SLC23A2: variants seen among roughly 807,000 people sequenced by gnomAD.
SLC23A2 encodes the protein solute carrier family 23 member 2.
In SLC23A2, 36 loss-of-function variants were observed where a neutral mutation model predicts 73.3. That is an observed-to-expected ratio of 0.49 (90% CI 0.38 to 0.65). The LOEUF is 0.65. SLC23A2 is among the 30% of genes least tolerant of loss of function. The pLI, the probability that SLC23A2 is intolerant of heterozygous loss-of-function variation, is 0.00. For synonymous variants in SLC23A2, 343 were observed against 327.3 expected (o/e 1.05, Z -0.52); for missense variants, 507 against 841.6 (o/e 0.60, Z 4.92).
chr20:4,925,180 C>CA (rs575469662), intron 3 of SLC23A2, among the ~76,000 whole-genome samples: 2,512 of 76,258 alleles, frequency 0.033, 61 homozygotes, highest in African/African-American at 0.1. Context: ...AAGACTCTGT[C>CA]AAAAAAAAAA....
chr20:4,874,159 T>C (rs1449127677), intron 10 of SLC23A2, 67 bp from the exon 11 acceptor site: 1 of 1,512,046 alleles, frequency 6.6e-7, no homozygotes, highest in East Asian at 2.3e-5. Flanking sequence ...AAAACACGTC[T>C]TCCCGCGGTC....
intron 2 of SLC23A2, among the ~76,000 whole-genome samples, chr20:4,943,985 G>A (rs2087081151): frequency 6.6e-6 from 1 of 152,166 alleles, no homozygotes; most frequent in Non-Finnish European, 1.5e-5. Flanking sequence ...GGTTACCTAG[G>A]GCAAGAATGG....
chr20:4,936,480 G>T (rs1356190995), intron 2 of SLC23A2, among the ~76,000 whole-genome samples: 2 of 151,986 alleles, frequency 1.3e-5, no homozygotes, highest in Non-Finnish European at 2.9e-5. Context: ...AAGAGAGGGG[G>T]TCTCATTATG....
intron 3 of SLC23A2, among the ~76,000 whole-genome samples, chr20:4,915,077 A>G (rs1932278502): frequency 6.6e-6 from 1 of 152,160 alleles, no homozygotes; most frequent in Non-Finnish European, 1.5e-5. Flanking sequence ...AAACTCCAAG[A>G]AATACTGTTT....
chr20:4,903,070 A>G (rs1470328001), intron 4 of SLC23A2, among the ~76,000 whole-genome samples: 2 of 127,988 alleles, frequency 1.6e-5, no homozygotes, highest in African/African-American at 6.0e-5. Flanking sequence ...TATTGCTCAG[A>G]TAACGTTAGG....
chr20:4,884,939 C>T (rs1931036971), intron 7 of SLC23A2, 116 bp from the exon 8 acceptor site: 1 of 602,528 alleles, frequency 1.7e-6, no homozygotes, highest in Non-Finnish European at 2.9e-6. Flanking sequence ...TTTCAATCCC[C>T]ATCCCTAAAA....
intron 11 of SLC23A2, 145 bp from the exon 12 acceptor site, chr20:4,870,198 T>A: frequency 1.4e-6 from 1 of 698,238 alleles, no homozygotes; most frequent in South Asian, 2.3e-5. Context: ...CATTTTAAAA[T>A]CTTAAGCACC....
chr20:4,874,175 A>T, intron 10 of SLC23A2, 83 bp from the exon 11 acceptor site: 1 of 1,357,860 alleles, frequency 7.4e-7, no homozygotes, highest in East Asian at 2.3e-5. Flanking sequence ...CGGTCGGAAT[A>T]TCACACCCCA....
intron 1 of SLC23A2, among the ~76,000 whole-genome samples, chr20:4,988,545 G>A (rs2087868302): frequency 6.6e-6 from 1 of 151,820 alleles, no homozygotes; most frequent in Admixed American, 6.6e-5. Flanking sequence ...AGACCAGCCT[G>A]GCCAACATAG....
intron 9 of SLC23A2, among the ~76,000 whole-genome samples, chr20:4,881,371 C>A (rs1930876419): frequency 6.6e-6 from 1 of 152,014 alleles, no homozygotes; most frequent in South Asian, 2.1e-4. Flanking sequence ...GAGAAGGGGG[C>A]CAGGATCAAG....
chr20:4,874,242 A>C, intron 10 of SLC23A2, 150 bp from the exon 11 acceptor site: 1 of 708,442 alleles, frequency 1.4e-6, no homozygotes, highest in Non-Finnish European at 2.3e-6. Context: ...TCACTGAGAG[A>C]GCAGTTTCAT....
intron 1 of SLC23A2, among the ~76,000 whole-genome samples, chr20:4,983,824 T>C (rs887502997): frequency 1.6e-4 from 24 of 149,854 alleles, no homozygotes; most frequent in African/African-American, 4.2e-4. Context: ...GGCGTGGTGG[T>C]GCATGCCTGT....
At chr20:5,005,634 T>C (rs2088182068), upstream of SLC23A2, among the ~76,000 whole-genome samples, 1 of 152,142 alleles carries the variant, frequency 6.6e-6, no homozygotes, top group African/African-American at 2.4e-5. Flanking sequence ...AGATAATAAA[T>C]GTTTTAGGTT....
Position 4,902,569 on chromosome 20 carries a change from G to A in SLC23A2, c.208-11C>T, listed in dbSNP as rs1365128182. 5.2e-6 allele frequency: 8 copies of A among 1,527,816 alleles called. No homozygotes were observed. Among genetic ancestry groups the A allele is most frequent in the Non-Finnish European group, 6.3e-6 (7 of 1,108,274 alleles). The allele number at this position is 1,527,816 out of a possible 1,614,324, so 94.6% of individuals were successfully genotyped here. A position where few individuals can be genotyped will look rare whatever the true frequency, so the allele number is the denominator to read the frequency against. On this transcript the variant is annotated splice_polypyrimidine_tract_variant and intron_variant, in intron 4 of 16. Transcript: ENST00000338244. The surrounding 1 kb of genome is among the most constrained non-coding windows in gnomAD (Gnocchi z 4.0). ...CTCAGCGAGAGAGCTCTGCGAGCCA[G>A]AAGGAGAAAAGAAGGTGCTCATTAA...
At chr20:4,886,883 T>A (rs1931121471) in intron 6 of SLC23A2, among the ~76,000 whole-genome samples, 1 of 152,078 alleles carries the variant, frequency 6.6e-6, no homozygotes, top group Non-Finnish European at 1.5e-5. Flanking sequence ...CCAGCATCCT[T>A]CCCTTTGAGC....
At chr20:4,888,384 C>T (rs1468744503) in intron 6 of SLC23A2, among the ~76,000 whole-genome samples, 1 of 152,328 alleles carries the variant, frequency 6.6e-6, no homozygotes, top group African/African-American at 2.4e-5. Context: ...TCTGACCTGT[C>T]TACAGGGAAA....
In SLC23A2 at chr20:4,941,435, G is replaced by A. The variant is rs146328060; in HGVS notation, c.-154-8719C>T. Among the ~76,000 whole-genome samples, 121 of 152,152 alleles carry A rather than the reference G, an allele frequency of 8.0e-4. 1 individual carries two copies. The highest frequency in any genetic ancestry group is 2.6e-3 in the African/African-American group (106 of 41,502). ...CATATTGTACACTCAAAAAGTTGTC[G>A]GCTGGGCCTGTAATCCTAGCACTTT... On this transcript the variant is annotated intron_variant, in intron 2 of 16. Coordinates refer to ENST00000338244, the MANE Select transcript of SLC23A2 (RefSeq NM_005116.6).
At chr20:4,929,304 T>C (rs1023281599) in intron 3 of SLC23A2, among the ~76,000 whole-genome samples, 5 of 149,074 alleles carry the variant, frequency 3.4e-5, no homozygotes, top group East Asian at 2.0e-4. Flanking sequence ...AAAACACTTA[T>C]GGAAAAAAAT....
intron 1 of SLC23A2, among the ~76,000 whole-genome samples, chr20:4,992,802 G>A (rs931583546): frequency 6.6e-5 from 10 of 151,756 alleles, no homozygotes; most frequent in Non-Finnish European, 1.0e-4. Context: ...GAGCCACCGC[G>A]CTTGGCCAAC....
Sources: allele counts gnomAD v4.1 joint callset (sites outside exome capture counted in the v4.1 genomes callset), GRCh38; gene constraint gnomAD v4.1.1; non-coding constraint Gnocchi (gnomAD v3.1); transcripts MANE v1.5; gene names NCBI Gene and HGNC (gene_info 2026-07-23, HGNC 2026-07-21).